The following CEBPG variants were observed in gnomAD, a reference collection of about 807,000 sequenced individuals.
CEBPG encodes the protein CCAAT enhancer binding protein gamma.
In CEBPG, 6 loss-of-function variants were observed where a neutral mutation model predicts 11.1. The ratio of observed to expected loss-of-function variants is 0.54; its 90% CI spans 0.30 to 1.07. The LOEUF (loss-of-function observed/expected upper bound fraction) is 1.07. Ranked by LOEUF, CEBPG falls within the 50% of genes least tolerant of loss-of-function variation. The probability of loss-of-function intolerance (pLI) is 0.07; values close to 1 mark genes in which losing one functional copy is unlikely to be tolerated. For synonymous variants in CEBPG, 66 were observed against 71.0 expected (o/e 0.93, Z 0.36); for missense variants, 161 against 187.4 (o/e 0.86, Z 0.82).
In CEBPG at chr19:33,379,377, G is replaced by A. The variant is rs2145311910; in HGVS notation, c.138G>A (p.Val46=). 2 of 1,613,996 alleles carry A rather than the reference G, an allele frequency of 1.2e-6. No homozygotes were observed. The highest frequency in any genetic ancestry group is 4.5e-5 in the East Asian group (2 of 44,840). ...PAGPGGGGKA[V]APSKQSKKSS... is the part of the protein sequence containing the mutation. The stretch of plus-strand genomic sequence containing the variant: ...GCCCTGGGGGAGGAGGCAAAGCTGT[G>A]GCTCCCAGCAAGCAGAGCAAAAAGA... The change falls in exon 2 of 2, where the codon GTG becomes GTA. Residue 46 remains valine (V), a synonymous_variant. Transcript: ENST00000284000.
intron 1 of CEBPG, chr19:33,374,322 C>G (rs995052874): frequency 6.6e-6 from 1 of 152,132 alleles, no homozygotes; most frequent in African/African-American, 2.4e-5. Context: ...GAAGGTGGAC[C>G]GAGTCGAGCT....
Position 33,382,577 on chromosome 19 carries a change from G to A in CEBPG, c.*2885G>A, listed in dbSNP as rs1452265065. 2 of 166,890 alleles carry A rather than the reference G, an allele frequency of 1.2e-5. No homozygotes were observed. The highest frequency in any genetic ancestry group is 2.9e-5 in the Non-Finnish European group (2 of 68,060). The allele number at this position is 166,890 out of a possible 1,614,324, so 10.3% of individuals were successfully genotyped here. A position where few individuals can be genotyped will look rare whatever the true frequency, so the allele number is the denominator to read the frequency against. ...GCCTCTCAGGAAAAAGTACTAACTT[G>A]TTCTTTTTGTTCCTGGCTTTCATCA... On this transcript the variant is annotated 3_prime_UTR_variant, in exon 2 of 2. Coordinates refer to ENST00000284000, the MANE Select transcript of CEBPG (RefSeq NM_001806.4).
At chr19:33,375,115 T>G (rs916023197) in intron 1 of CEBPG, among the ~76,000 whole-genome samples, 1 of 152,200 alleles carries the variant, frequency 6.6e-6, no homozygotes, top group Non-Finnish European at 1.5e-5. Context: ...TGATTCCTGC[T>G]TTTGGTGGGC....
rs757004552 is a variant in CEBPG at position 33,379,321 on chromosome 19, T to C, written c.82T>C (p.Leu28=). Residue 28 remains leucine (L), a synonymous_variant, in exon 2 of 2, where the codon TTA becomes CTA. Coordinates refer to ENST00000284000, the MANE Select transcript of CEBPG (RefSeq NM_001806.4). ...CCATACCCAGGCACATGCCAGCGGC[T>C]TACAGCAGGTTCCTCAGCTGGTGCC... ...VIHTQAHASG[L]QQVPQLVPAG... is the part of the protein sequence containing the mutation. 2.5e-6 allele frequency: 4 copies of C among 1,613,036 alleles called. No homozygotes were observed. In the Admixed American group the frequency reaches 6.7e-5, roughly 27 times the overall value.
intron 1 of CEBPG, among the ~76,000 whole-genome samples, chr19:33,378,538 G>A (rs534236729): frequency 1.9e-4 from 29 of 152,074 alleles, no homozygotes; most frequent in Admixed American, 3.3e-4. Flanking sequence ...CAGTAAATTT[G>A]GTTAAACTGT....
At position 33,379,230 on chromosome 19, in the gene CEBPG, G is replaced by A. The variant is rs746449543; in HGVS notation, c.-10G>A. Reference sequence around the variant, plus strand: ...CTACCTGTTCTGTGTTGGCAAGGGAGAGTGCCCAAATGAGCAAGATATCGC... The same window carrying A: ...CTACCTGTTCTGTGTTGGCAAGGGAAAGTGCCCAAATGAGCAAGATATCGC... On this transcript the variant is annotated 5_prime_UTR_variant, in exon 2 of 2. Transcript: ENST00000284000. The A allele has an allele frequency of 2.6e-6, 4 of 1,524,810 alleles. No homozygotes were observed. Among genetic ancestry groups the A allele is most frequent in the Non-Finnish European group, 3.5e-6 (4 of 1,136,784 alleles). 94.5% of individuals were successfully genotyped at this position (1,524,810 alleles called of 1,614,324 possible).
At chr19:33,376,317 A>C (rs1355586839) in intron 1 of CEBPG, among the ~76,000 whole-genome samples, 1 of 152,206 alleles carries the variant, frequency 6.6e-6, no homozygotes, top group Non-Finnish European at 1.5e-5. Context: ...TGTTTTACTC[A>C]TTCTAACATT....
At position 33,380,041 on chromosome 19, in the gene CEBPG, C is replaced by T. The variant is rs539183192; in HGVS notation, c.*349C>T. On this transcript the variant is annotated 3_prime_UTR_variant, in exon 2 of 2. Coordinates refer to ENST00000284000, the MANE Select transcript of CEBPG (RefSeq NM_001806.4). Reference sequence around the variant, plus strand: ...CAAAAGGAATGGGGAACTGGCAGGCCGCGCAGAAGGTTCTTGGTTTTAATG... The same window carrying T: ...CAAAAGGAATGGGGAACTGGCAGGCTGCGCAGAAGGTTCTTGGTTTTAATG... 72 of 199,536 alleles carry T rather than the reference C, an allele frequency of 3.6e-4. No individual in the cohort carries two copies. Among genetic ancestry groups the T allele is most frequent in the African/African-American group, 1.4e-3 (61 of 42,566 alleles). 12.4% of individuals were successfully genotyped at this position (199,536 alleles called of 1,614,324 possible). A position where few individuals can be genotyped will look rare whatever the true frequency, so the allele number is the denominator to read the frequency against.
chr19:33,376,063 T>G (rs1267198738), intron 1 of CEBPG, among the ~76,000 whole-genome samples: 1 of 145,542 alleles, frequency 6.9e-6, no homozygotes, highest in Non-Finnish European at 1.5e-5. Flanking sequence ...TGGGAAGTTT[T>G]TTTTTTGTTT....
chr19:33,380,471 A>G lies in CEBPG; in HGVS notation c.*779A>G, dbSNP rs1193873928. On this transcript the variant is annotated 3_prime_UTR_variant, in exon 2 of 2. Coordinates refer to ENST00000284000, the MANE Select transcript of CEBPG (RefSeq NM_001806.4). ...AAACCCAACTCAGTGGTGTAGAGAA[A>G]CTTGTGTACCAAAATTTTAGTTTCT... is the stretch of plus-strand genomic sequence containing the variant. 2 of 166,998 alleles carry G rather than the reference A, an allele frequency of 1.2e-5. No individual in the cohort carries two copies. The highest frequency in any genetic ancestry group is 2.9e-5 in the Non-Finnish European group (2 of 68,120). 10.3% of individuals were successfully genotyped at this position (166,998 alleles called of 1,614,324 possible). A position where few individuals can be genotyped will look rare whatever the true frequency, so the allele number is the denominator to read the frequency against.
At position 33,382,359 on chromosome 19, in the gene CEBPG, G is replaced by C; in HGVS notation, c.*2667G>C. On this transcript the variant is annotated 3_prime_UTR_variant, in exon 2 of 2. Transcript: ENST00000284000. ...AATTTACATAAAAAGTAGAAGTATA[G>C]ACAGTTTAACATTTGGTATTAAAGG... 1 of 167,238 alleles carries C rather than the reference G, an allele frequency of 6.0e-6. No individual in the cohort carries two copies. 10.4% of individuals were successfully genotyped at this position (167,238 alleles called of 1,614,324 possible). A position where few individuals can be genotyped will look rare whatever the true frequency, so the allele number is the denominator to read the frequency against.
intron 1 of CEBPG, among the ~76,000 whole-genome samples, chr19:33,376,851 T>G (rs1851465143): frequency 6.6e-6 from 1 of 152,238 alleles, no homozygotes; most frequent in Admixed American, 6.5e-5. Context: ...CTTTTCAGTG[T>G]AAAATCACTT....
intron 1 of CEBPG, among the ~76,000 whole-genome samples, chr19:33,377,150 T>A (rs1019502110): frequency 2.0e-5 from 3 of 152,168 alleles, no homozygotes; most frequent in African/African-American, 7.2e-5. Context: ...GAAACAGGCG[T>A]GAACGTTGCT....
In CEBPG at chr19:33,379,614, T is replaced by C; in HGVS notation, c.375T>C (p.His125=). The part of the protein sequence containing the change: ...LSVLKDLFLE[H]AHNLADNVQS... ...TACTCAAAGATTTGTTTCTTGAGCA[T>C]GCACACAACCTTGCAGACAACGTAC... is the stretch of plus-strand genomic sequence containing the variant. Residue 125 remains histidine (H), a synonymous_variant, in exon 2 of 2, where the codon CAT becomes CAC. Coordinates refer to ENST00000284000, the MANE Select transcript of CEBPG (RefSeq NM_001806.4). The C allele has an allele frequency of 6.2e-7, 1 of 1,614,162 alleles. No individual in the cohort carries two copies. Among genetic ancestry groups the C allele is most frequent in the South Asian group, 1.1e-5 (1 of 91,078 alleles).
Position 33,374,906 on chromosome 19 carries a change from A to C in CEBPG, c.-97+1011A>C, listed in dbSNP as rs148256824. Among the ~76,000 whole-genome samples, 13 of 152,330 alleles carry C rather than the reference A, an allele frequency of 8.5e-5. No homozygotes were observed. The East Asian group carries it at 2.5e-3, about 29-fold the overall frequency. ...TGACTCCCAGAGAAAATTTTAAAAG[A>C]AAATCCTATAAGGGCTTGCTTTACG... On this transcript the variant is annotated intron_variant, in intron 1 of 1. Coordinates refer to ENST00000284000, the MANE Select transcript of CEBPG (RefSeq NM_001806.4).
intron 1 of CEBPG, among the ~76,000 whole-genome samples, chr19:33,376,522 C>T (rs1967913907): frequency 1.3e-5 from 2 of 152,146 alleles, no homozygotes; most frequent in African/African-American, 4.8e-5. Context: ...GTTCTTAGAA[C>T]TCCTGATTCT....
chr19:33,379,226 G>T lies in CEBPG; in HGVS notation c.-14G>T. On this transcript the variant is annotated 5_prime_UTR_variant, in exon 2 of 2. The change creates a new upstream start codon in the 5' untranslated region. Transcript: ENST00000284000. ...ATTTCTACCTGTTCTGTGTTGGCAA[G>T]GGAGAGTGCCCAAATGAGCAAGATA... 6.6e-7 allele frequency: 1 copy of T among 1,522,446 alleles called. No individual in the cohort carries two copies. The highest frequency in any genetic ancestry group is 1.3e-5 in the South Asian group (1 of 75,476). The allele number at this position is 1,522,446 out of a possible 1,614,324, so 94.3% of individuals were successfully genotyped here. A position where few individuals can be genotyped will look rare whatever the true frequency, so the allele number is the denominator to read the frequency against.
At position 33,381,316 on chromosome 19, in the gene CEBPG, C is replaced by T. The variant is rs958162516; in HGVS notation, c.*1624C>T. ...GTTGGTGGAAGATTGCTGACCGTGC[C>T]GTTTCTGGGCAGGAGAAGACATCAT... On this transcript the variant is annotated 3_prime_UTR_variant, in exon 2 of 2. Transcript: ENST00000284000. 6.0e-6 allele frequency: 1 copy of T among 167,188 alleles called. No homozygotes were observed. 10.4% of individuals were successfully genotyped at this position (167,188 alleles called of 1,614,324 possible).
intron 1 of CEBPG, among the ~76,000 whole-genome samples, chr19:33,378,506 T>A (rs1238562275): frequency 6.6e-6 from 1 of 152,140 alleles, no homozygotes; most frequent in Admixed American, 6.5e-5. Context: ...GTGTCAGAGC[T>A]CCTAAATTCA....
Sources: allele counts gnomAD v4.1 joint callset (sites outside exome capture counted in the v4.1 genomes callset), GRCh38; gene constraint gnomAD v4.1.1; transcripts MANE v1.5; gene names NCBI Gene and HGNC (gene_info 2026-07-23, HGNC 2026-07-21).